EYS: variants seen among roughly 807,000 people sequenced by gnomAD.
The protein encoded by EYS is EGF-like photoreceptor maintenance factor, also known as protein eyes shut homolog.
A neutral mutation model predicts 282.1 loss-of-function variants in EYS; 250 were observed. The ratio of observed to expected loss-of-function variants is 0.89; its 90% CI spans 0.80 to 0.98. The LOEUF (loss-of-function observed/expected upper bound fraction) is 0.98, where lower values mean the gene tolerates loss of function less well. Among genes scored for constraint, EYS ranks in the 50% least tolerant of loss-of-function variants. The pLI is 0.00. For missense variants in EYS, 4,016 were observed against 3,709.0 expected, an observed-to-expected ratio of 1.08 and a Z score of -2.15; for synonymous variants, 1,355 against 1,282.9, an observed-to-expected ratio of 1.06 and a Z score of -1.20.
At chr6:64,686,827 A>ATATATGTG (rs1554193104) in intron 22 of EYS, among the ~76,000 whole-genome samples, 7,004 of 40,620 alleles carry the variant, frequency 0.17, 2,775 homozygotes, top group Non-Finnish European at 0.26. Context: ...ATATGTGTAT[A>ATATATGTG]TATATATATA....
At chr6:65,420,152 A>G (rs1006077204) in intron 5 of EYS, among the ~76,000 whole-genome samples, 3 of 152,000 alleles carry the variant, frequency 2.0e-5, no homozygotes, top group Non-Finnish European at 4.4e-5. Flanking sequence ...ATTTCATGAA[A>G]TATTTCTCTG....
intron 7 of EYS, among the ~76,000 whole-genome samples, chr6:65,386,370 T>G (rs1269948098): frequency 6.6e-6 from 1 of 151,508 alleles, no homozygotes; most frequent in Non-Finnish European, 1.5e-5. Flanking sequence ...AGTTTACCTA[T>G]GTAAGAAACA....
chr6:64,756,669 T>G (rs1157038647), intron 22 of EYS, among the ~76,000 whole-genome samples: 1 of 152,194 alleles, frequency 6.6e-6, no homozygotes, highest in African/African-American at 2.4e-5. Context: ...GCGTTATACA[T>G]GTAAAACCAC....
intron 31 of EYS, among the ~76,000 whole-genome samples, chr6:64,117,859 T>C (rs980623281): frequency 3.9e-5 from 6 of 151,970 alleles, no homozygotes; most frequent in African/African-American, 1.4e-4. Context: ...CAGTAAAGTT[T>C]TGGGATACAC....
intron 31 of EYS, among the ~76,000 whole-genome samples, chr6:64,137,618 AAGAGAGAGAC>A (rs577648713): frequency 4.2e-4 from 64 of 151,686 alleles, no homozygotes; most frequent in African/African-American, 1.5e-3. Context: ...GGCCCAGAGA[AAGAGAGAGAC>A]AGAGAGAGAG....
intron 22 of EYS, among the ~76,000 whole-genome samples, chr6:64,732,490 A>T (rs909241220): frequency 1.2e-4 from 18 of 152,184 alleles, no homozygotes; most frequent in East Asian, 5.8e-4. Flanking sequence ...GCAGAAATTT[A>T]AAAAAAAGTA....
intron 12 of EYS, among the ~76,000 whole-genome samples, chr6:65,284,993 G>A (rs1768320832): frequency 6.6e-6 from 1 of 151,666 alleles, no homozygotes; most frequent in African/African-American, 2.4e-5. Context: ...TTAAACATGT[G>A]CATATTTATT....
intron 19 of EYS, among the ~76,000 whole-genome samples, chr6:64,879,155 T>C (rs1766839910): frequency 6.6e-6 from 1 of 152,170 alleles, no homozygotes; most frequent in African/African-American, 2.4e-5. Context: ...TTGTCAAATC[T>C]ATTTTCTCAC....
chr6:63,929,666 T>G (rs1428491168), intron 35 of EYS, among the ~76,000 whole-genome samples: 1 of 152,194 alleles, frequency 6.6e-6, no homozygotes, highest in Non-Finnish European at 1.5e-5. Context: ...TGTTTAATAA[T>G]TTAGCAAAGT....
At chr6:65,611,699 C>T (rs534008462) in intron 2 of EYS, among the ~76,000 whole-genome samples, 1 of 152,134 alleles carries the variant, frequency 6.6e-6, no homozygotes, top group East Asian at 1.9e-4. Context: ...ATTTCTATAC[C>T]TTTACAGTAC....
At chr6:65,554,436 G>C (rs74751547) in intron 2 of EYS, among the ~76,000 whole-genome samples, 5,728 of 152,004 alleles carry the variant, frequency 0.038, 277 homozygotes, top group African/African-American at 0.11. Context: ...ACTGATATCA[G>C]CCAAGAAAAT....
chr6:64,685,888 ATGC>A (rs1770080186), intron 22 of EYS, among the ~76,000 whole-genome samples: 2 of 152,186 alleles, frequency 1.3e-5, no homozygotes, highest in Admixed American at 1.3e-4. Flanking sequence ...GGGTGATAAC[ATGC>A]TGGGCTACAG....
At chr6:65,247,299 C>T (rs908631272) in intron 12 of EYS, among the ~76,000 whole-genome samples, 2 of 152,000 alleles carry the variant, frequency 1.3e-5, no homozygotes, top group Non-Finnish European at 2.9e-5. Context: ...TATCAATTTT[C>T]TCATTATCTC....
intron 7 of EYS, among the ~76,000 whole-genome samples, chr6:65,394,177 G>A (rs1193220642): frequency 6.6e-6 from 1 of 151,946 alleles, no homozygotes; most frequent in Non-Finnish European, 1.5e-5. Flanking sequence ...CTGATATGTT[G>A]AGAATATTGG....
chr6:65,426,104 A>G (rs1394480676), intron 5 of EYS, among the ~76,000 whole-genome samples: 2 of 152,052 alleles, frequency 1.3e-5, no homozygotes, highest in Non-Finnish European at 2.9e-5. Flanking sequence ...CCTCAAAAGT[A>G]TCTAAGACTA....
intron 11 of EYS, among the ~76,000 whole-genome samples, chr6:65,319,971 C>T (rs1024051337): frequency 6.6e-6 from 1 of 151,802 alleles, no homozygotes; most frequent in African/African-American, 2.4e-5. Context: ...TCCCCAACTC[C>T]CCTACTCTTT....
At position 65,183,571 on chromosome 6, in the gene EYS, T is replaced by C. The variant is rs1032075114; in HGVS notation, c.2023+112292A>G. Among the ~76,000 whole-genome samples the C allele has an allele frequency of 7.2e-5, 11 of 152,054 alleles. No individual in the cohort carries two copies. In the South Asian group the frequency reaches 2.3e-3, roughly 32 times the overall value. ...CTCCACTCATATCCTTCTTCCTTAATTACTTTATCAAATTTTGTGTTTGTG... is the reference window on the plus strand; with the variant it reads ...CTCCACTCATATCCTTCTTCCTTAACTACTTTATCAAATTTTGTGTTTGTG... On this transcript the variant is annotated intron_variant, in intron 12 of 42. Transcript: ENST00000503581.
chr6:65,327,183 T>C (rs1164094140), intron 11 of EYS, among the ~76,000 whole-genome samples: 1 of 151,660 alleles, frequency 6.6e-6, no homozygotes, highest in South Asian at 2.1e-4. Flanking sequence ...AATTCCACCT[T>C]GATATATCAA....
At chr6:65,044,420 G>A (rs1773037126) in intron 13 of EYS, among the ~76,000 whole-genome samples, 1 of 151,642 alleles carries the variant, frequency 6.6e-6, no homozygotes, top group Non-Finnish European at 1.5e-5. Flanking sequence ...TTTGTTGCCT[G>A]TGCTTTTGGA....
Sources: allele counts gnomAD v4.1 joint callset (sites outside exome capture counted in the v4.1 genomes callset), GRCh38; gene constraint gnomAD v4.1.1; transcripts MANE v1.5; gene names NCBI Gene and HGNC (gene_info 2026-07-23, HGNC 2026-07-21).